Variants in GLIS3 observed in about 807,000 individuals in gnomAD.
GLIS3 encodes GLIS family zinc finger 3, also known as zinc finger protein GLIS3.
In GLIS3, 53 loss-of-function variants were observed where a neutral mutation model predicts 78.6. The observed-to-expected ratio is 0.67, with a 90% CI of 0.54 to 0.85. The LOEUF is 0.85. Ranked by LOEUF, GLIS3 falls within the 40% of genes least tolerant of loss-of-function variation. The pLI is 0.00. For synonymous variants in GLIS3, 684 were observed against 509.9 expected (o/e 1.34, Z -4.60); for missense variants, 1,703 against 1,231.1 (o/e 1.38, Z -5.74).
At chr9:4,392,711 T>G in the GLIS3 span, among the ~76,000 whole-genome samples, 1 of 152,208 alleles carries the variant, frequency 6.6e-6, no homozygotes. Flanking sequence ...TTTATGACAT[T>G]CTTGTGTTTC....
At chr9:4,025,350 C>T (rs970112895) in intron 4 of GLIS3, among the ~76,000 whole-genome samples, 1 of 152,028 alleles carries the variant, frequency 6.6e-6, no homozygotes, top group East Asian at 1.9e-4. Context: ...AGATATCAGA[C>T]CATATATACA....
At chr9:3,953,186 A>G (rs967031205) in intron 4 of GLIS3, among the ~76,000 whole-genome samples, 1 of 152,184 alleles carries the variant, frequency 6.6e-6, no homozygotes, top group African/African-American at 2.4e-5. Context: ...ACTTGCATCA[A>G]GGGAATCAGG....
At chr9:4,242,777 C>T (rs1471768273) in intron 2 of GLIS3, among the ~76,000 whole-genome samples, 1 of 151,946 alleles carries the variant, frequency 6.6e-6, no homozygotes, top group Non-Finnish European at 1.5e-5. Context: ...ATGTAAAATA[C>T]CTCATTAACA....
At chr9:4,245,535 T>A (rs771007470) in intron 2 of GLIS3, among the ~76,000 whole-genome samples, 1 of 152,246 alleles carries the variant, frequency 6.6e-6, no homozygotes, top group Non-Finnish European at 1.5e-5. Context: ...CGAAGAGCTA[T>A]ATAAATGTAA....
At position 4,286,529 on chromosome 9, in the gene GLIS3, TA is replaced by T; in HGVS notation, c.-98-7del. ...CCATGGTGTGGGTTATAAGCCTGTT[TA>T]AAAAAATAAACGCAGGCATTTTTAA... On this transcript the variant is annotated splice_region_variant and splice_polypyrimidine_tract_variant and intron_variant, in intron 1 of 10. Coordinates refer to ENST00000381971, the MANE Select transcript of GLIS3 (RefSeq NM_001042413.2). 1 of 1,373,916 alleles carries T rather than the reference TA, an allele frequency of 7.3e-7. No individual in the cohort carries two copies. Among genetic ancestry groups the T allele is most frequent in the Non-Finnish European group, 1.0e-6 (1 of 985,576 alleles). 85.1% of individuals were successfully genotyped at this position (1,373,916 alleles called of 1,614,324 possible).
upstream of GLIS3, among the ~76,000 whole-genome samples, chr9:4,304,657 G>T (rs1817182720): frequency 6.6e-6 from 1 of 152,186 alleles, no homozygotes; most frequent in Non-Finnish European, 1.5e-5. Context: ...AATGAAGAAG[G>T]CAGCGCAGCA....
At chr9:3,879,655 A>G in intron 7 of GLIS3, 60 bp from the exon 8 acceptor site, 1 of 1,577,674 alleles carries the variant, frequency 6.3e-7, no homozygotes, top group Non-Finnish European at 8.7e-7. Context: ...CGTTTTTTAA[A>G]TACCGAAGCC....
upstream of GLIS3, among the ~76,000 whole-genome samples, chr9:4,348,805 A>G (rs1309102340): frequency 1.3e-5 from 2 of 152,254 alleles, no homozygotes; most frequent in Non-Finnish European, 1.5e-5. Context: ...ATATAAGCTC[A>G]ATATGATTCC....
intron 4 of GLIS3, chr9:4,305,902 G>GCCTTTTAATTTTTAAAGTCAGTAATT: frequency 6.6e-6 from 1 of 152,126 alleles, no homozygotes. Context: ...TTTTTCATTT[G>GCCTTTTAATTTTTAAAGTCAGTAATT]TACAAGTCAG....
At chr9:3,848,330 G>A (rs1305458640) in intron 9 of GLIS3, among the ~76,000 whole-genome samples, 3 of 151,894 alleles carry the variant, frequency 2.0e-5, no homozygotes, top group African/African-American at 7.3e-5. Flanking sequence ...GTGAAACCCC[G>A]TCTCTACTAA....
intron 2 of GLIS3, among the ~76,000 whole-genome samples, chr9:4,243,324 C>T (rs1026220273): frequency 3.9e-5 from 6 of 152,132 alleles, no homozygotes; most frequent in African/African-American, 1.4e-4. Context: ...ATCAAAAAAT[C>T]AACTTTCCCT....
intron 4 of GLIS3, among the ~76,000 whole-genome samples, chr9:3,960,140 CAAAG>C (rs1425261303): frequency 1.3e-5 from 2 of 152,078 alleles, no homozygotes; most frequent in Admixed American, 6.6e-5. Context: ...CCATCTAAAA[CAAAG>C]AAAGAGGAAA....
At chr9:3,918,497 G>A (rs556028980) in intron 6 of GLIS3, among the ~76,000 whole-genome samples, 57 of 152,252 alleles carry the variant, frequency 3.7e-4, no homozygotes, top group Admixed American at 2.8e-3. Context: ...GTGCCTGGCC[G>A]TCTTCATGGT....
intron 2 of GLIS3, among the ~76,000 whole-genome samples, chr9:4,177,637 A>G (rs1483996572): frequency 6.6e-6 from 1 of 152,232 alleles, no homozygotes; most frequent in Non-Finnish European, 1.5e-5. Context: ...AGCTTCTATG[A>G]AACCAACCTT....
At chr9:4,137,830 G>C (rs1003576412) in intron 2 of GLIS3, among the ~76,000 whole-genome samples, 1 of 152,132 alleles carries the variant, frequency 6.6e-6, no homozygotes, top group Non-Finnish European at 1.5e-5. Context: ...GTTAAATAAA[G>C]TTCACCAACA....
rs111635045 is a variant in GLIS3 at position 4,203,787 on chromosome 9, C to A, written c.389-77846G>T. 2.5e-3 allele frequency among the ~76,000 whole-genome samples: 374 copies of A among 152,254 alleles called. 1 individual carries two copies. Among genetic ancestry groups the A allele is most frequent in the Non-Finnish European group, 4.0e-3 (272 of 68,000 alleles). On this transcript the variant is annotated intron_variant, in intron 2 of 10. Transcript: ENST00000381971. ...AATAGTACACAGCCATAAAAAAGAA[C>A]AAAATCATGTCTTTTACAGCAACAT...
chr9:3,860,232 G>T (rs935794560), intron 8 of GLIS3, among the ~76,000 whole-genome samples: 2 of 114,236 alleles, frequency 1.8e-5, no homozygotes, highest in African/African-American at 7.0e-5. Flanking sequence ...CTGAGATAGT[G>T]ACACTGCACT....
the GLIS3 span, among the ~76,000 whole-genome samples, chr9:4,391,550 GGTGT>G: frequency 8.2e-5 from 12 of 146,136 alleles, no homozygotes; most frequent in Non-Finnish European, 1.5e-4. Context: ...TTCTAAGAGG[GGTGT>G]GTGTGTGTGT....
chr9:4,084,237 C>A (rs1410140333), intron 4 of GLIS3, among the ~76,000 whole-genome samples: 1 of 138,132 alleles, frequency 7.2e-6, no homozygotes, highest in Non-Finnish European at 1.6e-5. Context: ...TAATCTCTCT[C>A]TCCTTCCTTC....
Sources: allele counts gnomAD v4.1 joint callset (sites outside exome capture counted in the v4.1 genomes callset), GRCh38; gene constraint gnomAD v4.1.1; transcripts MANE v1.5; gene names NCBI Gene and HGNC (gene_info 2026-07-23, HGNC 2026-07-21).